SLC9A3: variants seen among roughly 807,000 people sequenced by gnomAD.
SLC9A3 encodes the protein sodium/hydrogen exchanger 3.
In SLC9A3, 37 loss-of-function variants were observed where a neutral mutation model predicts 86.8. The observed-to-expected ratio is 0.43, with a 90% CI of 0.33 to 0.56. The LOEUF (loss-of-function observed/expected upper bound fraction) is 0.56, where lower values mean the gene tolerates loss of function less well. SLC9A3 is among the 20% of genes least tolerant of loss of function. The pLI is 0.06. For synonymous variants in SLC9A3, 581 were observed against 528.3 expected, an observed-to-expected ratio of 1.10 and a Z score of -1.37; for missense variants, 1,011 against 1,171.9, an observed-to-expected ratio of 0.86 and a Z score of 2.00.
chr5:479,784 A>C, intron 10 of SLC9A3, 52 bp downstream of exon 10: 1 of 1,600,860 alleles, frequency 6.2e-7, no homozygotes, highest in African/African-American at 1.3e-5. Flanking sequence ...ACCCACAGCC[A>C]GTGCCAGAGC....
Position 483,308 on chromosome 5 carries a change from G to A in SLC9A3, c.1107C>T (p.Ala369=), listed in dbSNP as rs1005399338. 3 of 1,561,722 alleles carry A rather than the reference G, an allele frequency of 1.9e-6. No individual in the cohort carries two copies. Among genetic ancestry groups the A allele is most frequent in the South Asian group, 1.2e-5 (1 of 84,936 alleles). The change falls in exon 6 of 17, where the codon GCC becomes GCT. Residue 369 remains alanine (A), a synonymous_variant. Transcript: ENST00000264938. ...TGAAGACCAGCGTCAGGAGCACGAAGGCCGTGTTCCAGGTCCAGATGAACG... is the reference window on the plus strand; with the variant it reads ...TGAAGACCAGCGTCAGGAGCACGAAAGCCGTGTTCCAGGTCCAGATGAACG... The part of the protein sequence containing the change: ...VNPFIWTWNT[A]FVLLTLVFIS...
At chr5:484,184 T>A (rs1477349815) in intron 5 of SLC9A3, among the ~76,000 whole-genome samples, 138 of 3,366 alleles carry the variant, frequency 0.041, no homozygotes, top group South Asian at 0.062. Context: ...GAAGCTCGGG[T>A]TGGGGTCCCC....
intron 1 of SLC9A3, among the ~76,000 whole-genome samples, chr5:493,632 G>A (rs900778718): frequency 2.6e-5 from 4 of 152,244 alleles, no homozygotes; most frequent in East Asian, 1.9e-4. Flanking sequence ...GCACCTGCCC[G>A]GCCACCAGCA....
rs571029514 is a variant in SLC9A3 at position 480,027 on chromosome 5, C to T, written c.1518-62G>A. On this transcript the variant is annotated intron_variant, in intron 9 of 16. Coordinates refer to ENST00000264938, the MANE Select transcript of SLC9A3 (RefSeq NM_004174.4). ...CAGGCGCCCTAGAGCCCGCCGGACG[C>T]GTGGCCCGGCCCCTTCTCTCCTGAA... is the stretch of plus-strand genomic sequence containing the variant. 1.5e-4 allele frequency: 240 copies of T among 1,568,436 alleles called. 1 individual carries two copies. Among genetic ancestry groups the T allele is most frequent in the Middle Eastern group, 1.7e-4 (1 of 5,902 alleles).
rs541266557 is a variant in SLC9A3 at position 503,771 on chromosome 5, A to C, written c.212-11700T>G. Among the ~76,000 whole-genome samples, 4 of 152,378 alleles carry C rather than the reference A, an allele frequency of 2.6e-5. No individual in the cohort carries two copies. In the East Asian group the frequency reaches 7.7e-4, roughly 29 times the overall value. On this transcript the variant is annotated intron_variant, in intron 1 of 16. Transcript: ENST00000264938. The stretch of plus-strand genomic sequence containing the variant: ...TCTTTCCATCTGTATAATGTGTGTG[A>C]GTTACCAATAAAGAACTTTCTTCTT...
At chr5:482,237 C>G in intron 7 of SLC9A3, 80 bp from the exon 8 acceptor site, 2 of 1,116,300 alleles carry the variant, frequency 1.8e-6, no homozygotes, top group Non-Finnish European at 2.7e-6. Context: ...CCACACAGAG[C>G]CACCTGCCCC....
chr5:524,030 C>G (rs111594541), intron 1 of SLC9A3, 82 bp downstream of exon 1: 70 of 946,252 alleles, frequency 7.4e-5, no homozygotes, highest in Non-Finnish European at 9.9e-5. Flanking sequence ...ACCTGATGCG[C>G]GCGGCCACAA....
At chr5:474,128 A>G (rs1025015202) in intron 16 of SLC9A3, among the ~76,000 whole-genome samples, 10 of 151,200 alleles carry the variant, frequency 6.6e-5, no homozygotes, top group African/African-American at 2.4e-4. Context: ...GGGAGGAGAG[A>G]GAGCGAGCGC....
Position 475,235 on chromosome 5 carries a change from TCACCGGGAAGGTTA to T in SLC9A3, c.2252-117_2252-104del, listed in dbSNP as rs1738644658. On this transcript the variant is annotated intron_variant, in intron 15 of 16. Coordinates refer to ENST00000264938, the MANE Select transcript of SLC9A3 (RefSeq NM_004174.4). ...TGCTGGGTGCCTTGGAAAGTTAGGGTCACCGGGAAGGTTAGGGTCACGTGCCTTTCAGGTTGCGG... is the reference window on the plus strand; with the variant it reads ...TGCTGGGTGCCTTGGAAAGTTAGGGTGGGTCACGTGCCTTTCAGGTTGCGG... 1.8e-5 allele frequency: 12 copies of T among 663,436 alleles called. No individual in the cohort carries two copies. The South Asian group carries it at 2.0e-4, about 11-fold the overall frequency. 41.1% of individuals were successfully genotyped at this position (663,436 alleles called of 1,614,324 possible).
At chr5:475,774 C>T (rs901063815) in intron 14 of SLC9A3, 103 bp from the exon 15 acceptor site, 5 of 751,966 alleles carry the variant, frequency 6.6e-6, no homozygotes, top group African/African-American at 5.2e-5. Flanking sequence ...TGCAGGCAGT[C>T]GGGACCCACA....
intron 10 of SLC9A3, chr5:478,070 T>G (rs1738874063): frequency 6.6e-6 from 1 of 152,320 alleles, no homozygotes; most frequent in South Asian, 2.1e-4. Flanking sequence ...GTCAGCTCAC[T>G]GCACTCAGAC....
chr5:486,905 GACCGC>G (rs1739503393), intron 3 of SLC9A3, among the ~76,000 whole-genome samples: 1 of 109,138 alleles, frequency 9.2e-6, no homozygotes, highest in African/African-American at 3.8e-5. Context: ...CCGTGATCCA[GACCGC>G]ACTGACACCC....
Position 491,688 on chromosome 5 carries a change from C to T in SLC9A3, c.514+81G>A, listed in dbSNP as rs913105620. 2.2e-4 allele frequency: 291 copies of T among 1,323,066 alleles called. 2 individuals carry two copies. The Admixed American group carries it at 3.5e-3, about 16-fold the overall frequency. 82.0% of individuals were successfully genotyped at this position (1,323,066 alleles called of 1,614,324 possible). On this transcript the variant is annotated intron_variant, in intron 2 of 16. Transcript: ENST00000264938. The surrounding 1 kb of genome is among the most constrained non-coding windows in gnomAD (Gnocchi z 9.2). ...GCCTGGAGGCCAGGGTGCGGCACCC[C>T]GACCTTTCTGAGATGAGGCAGCGCC...
intron 11 of SLC9A3, chr5:477,041 A>C: frequency 2.0e-6 from 1 of 506,452 alleles, no homozygotes; most frequent in Non-Finnish European, 3.6e-6. Context: ...GAGGAGCAGT[A>C]AGGGTGGCAT....
intron 9 of SLC9A3, chr5:480,455 T>A (rs1739094030): frequency 6.4e-6 from 1 of 157,178 alleles, no homozygotes; most frequent in Admixed American, 6.1e-5. Flanking sequence ...AAGGAGGTGA[T>A]GCCTGTCACT....
At chr5:501,760 C>T (rs541855797) in intron 1 of SLC9A3, among the ~76,000 whole-genome samples, 70 of 152,328 alleles carry the variant, frequency 4.6e-4, no homozygotes, top group East Asian at 4.2e-3. Flanking sequence ...GTAAATGTGT[C>T]GGCCGTCAAG....
intron 10 of SLC9A3, chr5:477,841 C>G (rs995533692): frequency 1.1e-5 from 2 of 176,240 alleles, no homozygotes; most frequent in African/African-American, 4.8e-5. Flanking sequence ...ATGTCCAGAA[C>G]TGAATCAGGT....
intron 1 of SLC9A3, among the ~76,000 whole-genome samples, chr5:501,267 C>T (rs964225292): frequency 5.3e-5 from 8 of 152,304 alleles, no homozygotes; most frequent in South Asian, 2.1e-4. Flanking sequence ...CACAGAGGGA[C>T]GGGGCTTGGT....
chr5:510,392 G>T (rs770277247), intron 1 of SLC9A3, among the ~76,000 whole-genome samples: 93 of 152,340 alleles, frequency 6.1e-4, no homozygotes, highest in Non-Finnish European at 6.5e-4. Flanking sequence ...TGGAGACAGG[G>T]GCCAGCACAG....
Sources: gnomAD v4.1 joint callset for allele counts (sites outside exome capture counted in the v4.1 genomes callset) on GRCh38, gnomAD v4.1.1 for gene constraint, Gnocchi (gnomAD v3.1) non-coding constraint, MANE v1.5 for transcripts, NCBI Gene and HGNC (gene_info 2026-07-23, HGNC 2026-07-21) for gene names.